The following EPHA5 variants were observed in gnomAD, a reference collection of about 807,000 sequenced individuals.
The protein encoded by EPHA5 is ephrin type-A receptor 5.
A neutral mutation model predicts 105.0 loss-of-function variants in EPHA5; 60 were observed. That is an observed-to-expected ratio of 0.57 (90% confidence interval 0.46 to 0.71). The LOEUF (loss-of-function observed/expected upper bound fraction) is 0.71. Among genes scored for constraint, EPHA5 ranks in the 30% least tolerant of loss-of-function variants. The probability of loss-of-function intolerance (pLI) is 0.00; values close to 1 mark genes in which losing one functional copy is unlikely to be tolerated. For missense variants in EPHA5, 1,218 were observed against 1,274.7 expected (o/e 0.96, Z 0.68); for synonymous variants, 513 against 449.1 (o/e 1.14, Z -1.80).
intron 11 of EPHA5, among the ~76,000 whole-genome samples, chr4:65,358,116 G>T (rs1011510331): frequency 6.6e-6 from 1 of 151,422 alleles, no homozygotes; most frequent in African/African-American, 2.4e-5. Context: ...AACAGATTCT[G>T]CAATTTAGCA....
At chr4:65,432,254 C>T (rs762527702) in intron 5 of EPHA5, among the ~76,000 whole-genome samples, 9 of 152,036 alleles carry the variant, frequency 5.9e-5, no homozygotes, top group Non-Finnish European at 8.8e-5. Context: ...CAATAAATAT[C>T]ATTTTAATTT....
intron 8 of EPHA5, among the ~76,000 whole-genome samples, chr4:65,388,142 T>A (rs924591755): frequency 6.6e-6 from 1 of 150,612 alleles, no homozygotes; most frequent in Non-Finnish European, 1.5e-5. Flanking sequence ...ACAAAGGACA[T>A]GAACTCATCA....
At chr4:65,643,857 A>C (rs950533646) in intron 1 of EPHA5, among the ~76,000 whole-genome samples, 2 of 152,076 alleles carry the variant, frequency 1.3e-5, no homozygotes, top group African/African-American at 4.8e-5. Context: ...GTTATGCAGC[A>C]ATTAACAAAT....
chr4:65,398,836 G>C (rs1396136136), intron 8 of EPHA5, among the ~76,000 whole-genome samples: 2 of 152,156 alleles, frequency 1.3e-5, no homozygotes, highest in Admixed American at 1.3e-4. Flanking sequence ...GCAGAAAGGA[G>C]CTACCCACTT....
chr4:65,584,646 A>G (rs1243178376), intron 3 of EPHA5, among the ~76,000 whole-genome samples: 1 of 151,976 alleles, frequency 6.6e-6, no homozygotes, highest in African/African-American at 2.4e-5. Flanking sequence ...ATTTTAAATG[A>G]CAATGTTACT....
Position 65,553,963 on chromosome 4 carries a change from T to C in EPHA5, c.910+47678A>G, listed in dbSNP as rs186113918. Among the ~76,000 whole-genome samples the C allele has an allele frequency of 4.6e-5, 7 of 152,094 alleles. No homozygotes were observed. In the East Asian group the frequency reaches 1.3e-3, roughly 29 times the overall value. The stretch of plus-strand genomic sequence containing the variant: ...TGAGCAGCTGTACAAAGCAGACATA[T>C]ATAAAAAATTTAAGTCTCCAAATTT... On this transcript the variant is annotated intron_variant, in intron 3 of 16. Transcript: ENST00000613740.
intron 11 of EPHA5, among the ~76,000 whole-genome samples, chr4:65,355,750 C>T (rs80292580): frequency 4.6e-5 from 7 of 151,536 alleles, no homozygotes; most frequent in South Asian, 2.1e-4. Context: ...AAGAACTCAG[C>T]GAAGAAACTG....
intron 3 of EPHA5, among the ~76,000 whole-genome samples, chr4:65,505,710 G>T (rs763188352): frequency 2.2e-4 from 33 of 151,972 alleles, no homozygotes; most frequent in Non-Finnish European, 4.6e-4. Context: ...TGGCAAGCCC[G>T]AATTTATACC....
At chr4:65,632,019 G>T (rs954787740) in intron 2 of EPHA5, among the ~76,000 whole-genome samples, 2 of 151,768 alleles carry the variant, frequency 1.3e-5, no homozygotes, top group Admixed American at 6.6e-5. Flanking sequence ...CCTCAATATG[G>T]GTCAGGTATT....
At chr4:65,666,446 A>T (rs1381897412) in intron 1 of EPHA5, among the ~76,000 whole-genome samples, 1 of 152,170 alleles carries the variant, frequency 6.6e-6, no homozygotes, top group Non-Finnish European at 1.5e-5. Flanking sequence ...AGACAGCAAA[A>T]AGTGGCAGCT....
chr4:65,477,412 G>C (rs1729928989), intron 5 of EPHA5, among the ~76,000 whole-genome samples: 1 of 151,772 alleles, frequency 6.6e-6, no homozygotes, highest in South Asian at 2.1e-4. Context: ...TTGTTTTTTT[G>C]TTTGCTTGTT....
chr4:65,611,670 A>G (rs1578575323), intron 2 of EPHA5, among the ~76,000 whole-genome samples: 1 of 152,216 alleles, frequency 6.6e-6, no homozygotes, highest in East Asian at 1.9e-4. Context: ...AGTAGATAAT[A>G]TTATGCTTCT....
At chr4:65,333,680 T>C (rs1246554646) in intron 15 of EPHA5, among the ~76,000 whole-genome samples, 1 of 150,820 alleles carries the variant, frequency 6.6e-6, no homozygotes, top group African/African-American at 2.4e-5. Flanking sequence ...CCTATATTTT[T>C]CTATTTAGGC....
At chr4:65,410,398 C>CA (rs2149007397) in intron 7 of EPHA5, among the ~76,000 whole-genome samples, 1 of 152,226 alleles carries the variant, frequency 6.6e-6, no homozygotes, top group South Asian at 2.1e-4. Context: ...TGAATGGTTT[C>CA]CAGGGCTTAG....
chr4:65,458,260 A>G (rs1727801003), intron 5 of EPHA5, among the ~76,000 whole-genome samples: 1 of 152,126 alleles, frequency 6.6e-6, no homozygotes, highest in Non-Finnish European at 1.5e-5. Flanking sequence ...ATGGCTCTTC[A>G]ATGCATAGAG....
chr4:65,574,731 C>CATATATATACAT (rs1740705457), intron 3 of EPHA5, among the ~76,000 whole-genome samples: 4 of 85,600 alleles, frequency 4.7e-5, no homozygotes, highest in Non-Finnish European at 8.5e-5. Context: ...CATATATATA[C>CATATATATACAT]ATATATATAT....
At chr4:65,581,409 A>G (rs911560064) in intron 3 of EPHA5, among the ~76,000 whole-genome samples, 4 of 151,748 alleles carry the variant, frequency 2.6e-5, no homozygotes, top group African/African-American at 4.8e-5. Context: ...TTATTTTTAC[A>G]TATCCTACAA....
chr4:65,507,353 C>CT (rs1733145202), intron 3 of EPHA5, among the ~76,000 whole-genome samples: 1 of 152,056 alleles, frequency 6.6e-6, no homozygotes, highest in African/African-American at 2.4e-5. Context: ...AATGCAGGCT[C>CT]TTTTTTGGTT....
Position 65,563,570 on chromosome 4 carries a change from C to A in EPHA5, c.910+38071G>T, listed in dbSNP as rs543337436. On this transcript the variant is annotated intron_variant, in intron 3 of 16. Coordinates refer to ENST00000613740, the MANE Select transcript of EPHA5 (RefSeq NM_001281766.3). ...AATACTTAGTTGGCAGATTTATTGG[C>A]AAAATTCTCCAGATATTACTCTAAT... Among the ~76,000 whole-genome samples, 54 of 152,006 alleles carry A rather than the reference C, an allele frequency of 3.6e-4. 1 individual carries two copies. Among genetic ancestry groups the A allele is most frequent in the Admixed American group, 3.2e-3 (49 of 15,190 alleles).
Sources: gnomAD v4.1 joint callset for allele counts (sites outside exome capture counted in the v4.1 genomes callset) on GRCh38, gnomAD v4.1.1 for gene constraint, MANE v1.5 for transcripts, NCBI Gene and HGNC (gene_info 2026-07-23, HGNC 2026-07-21) for gene names.